Variants in ATF3 observed in about 807,000 individuals in gnomAD.
ATF3 encodes the protein cyclic AMP-dependent transcription factor ATF-3.
A neutral mutation model predicts 18.4 loss-of-function variants in ATF3; 10 were observed. That is an observed-to-expected ratio of 0.54 (90% CI 0.34 to 0.92). The LOEUF is 0.92. Among genes scored for constraint, ATF3 ranks in the 40% least tolerant of loss-of-function variants. ATF3 has a pLI of 0.02. For synonymous variants in ATF3, 78 were observed against 87.9 expected (o/e 0.89, Z 0.63); for missense variants, 183 against 222.3 (o/e 0.82, Z 1.12).
At chr1:212,598,752 G>A (rs1400010095) in intron 1 of ATF3, among the ~76,000 whole-genome samples, 1 of 152,164 alleles carries the variant, frequency 6.6e-6, no homozygotes, top group Non-Finnish European at 1.5e-5. Flanking sequence ...CTAACATAAA[G>A]ACCTTCAGTT....
chr1:212,614,981 G>GC (rs1020318288), intron 1 of ATF3, 37 bp from the exon 2 acceptor site: 2 of 1,614,078 alleles, frequency 1.2e-6, no homozygotes, highest in South Asian at 1.1e-5. Context: ...ATGCCCCAGA[G>GC]CCCCTGAAAC....
At chr1:212,582,555 C>T (rs553453082) in intron 1 of ATF3, among the ~76,000 whole-genome samples, 3 of 152,270 alleles carry the variant, frequency 2.0e-5, no homozygotes, top group South Asian at 4.1e-4. Flanking sequence ...TTTGCCATGT[C>T]GCAAGAAAGT....
intron 2 of ATF3, among the ~76,000 whole-genome samples, chr1:212,615,733 G>A (rs1453319795): frequency 6.6e-6 from 1 of 150,804 alleles, no homozygotes; most frequent in African/African-American, 2.4e-5. Context: ...GAGCCCAGGA[G>A]GTTGAGGCTG....
At chr1:212,591,958 T>C (rs1011890815) in intron 1 of ATF3, among the ~76,000 whole-genome samples, 3 of 152,152 alleles carry the variant, frequency 2.0e-5, no homozygotes, top group Non-Finnish European at 4.4e-5. Flanking sequence ...GCAGAGTATG[T>C]TTCTAACAGA....
At chr1:212,566,087 T>A (rs1664377334) in intron 1 of ATF3, among the ~76,000 whole-genome samples, 2 of 151,980 alleles carry the variant, frequency 1.3e-5, no homozygotes, top group Admixed American at 1.3e-4. Context: ...AAGTCCAGAG[T>A]GAGGAAGTAA....
chr1:212,613,259 C>G (rs1654971211), intron 1 of ATF3, among the ~76,000 whole-genome samples: 1 of 152,148 alleles, frequency 6.6e-6, no homozygotes, highest in Non-Finnish European at 1.5e-5. Flanking sequence ...TCCCCTCTAT[C>G]ACTTCATTTC....
At chr1:212,597,159 G>A (rs1027952312) in intron 1 of ATF3, among the ~76,000 whole-genome samples, 1 of 152,132 alleles carries the variant, frequency 6.6e-6, no homozygotes, top group Non-Finnish European at 1.5e-5. Flanking sequence ...AGACAATATG[G>A]GGCCTCCTCG....
In ATF3 at chr1:212,594,166, C is replaced by T. The variant is rs150364128; in HGVS notation, c.-4-20852C>T. On this transcript the variant is annotated intron_variant, in intron 1 of 3. Coordinates refer to the ATF3 transcript ENST00000366981. Reference sequence around the variant, plus strand: ...ATTCTGTTTCCTCCAGTTCGGGGCTCGGTGGAGCTGACGAGCAGCTGGCCA... The same window carrying T: ...ATTCTGTTTCCTCCAGTTCGGGGCTTGGTGGAGCTGACGAGCAGCTGGCCA... Among the ~76,000 whole-genome samples, 291 of 152,264 alleles carry T rather than the reference C, an allele frequency of 1.9e-3. 1 individual carries two copies. The highest frequency in any genetic ancestry group is 6.8e-3 in the African/African-American group (281 of 41,548).
rs1364754670 is a variant in ATF3, at chr1:212,615,228, C to T, written c.207C>T (p.Asp69=). The stretch of plus-strand genomic sequence containing the variant: ...CGCTGGAATCAGTCACTGTCAGCGA[C>T]AGACCCCTCGGGGTGTCCATCACAA... ...SSALESVTVS[D]RPLGVSITKA... The change falls in exon 2 of 4, where the codon GAC becomes GAT. Residue 69 remains aspartate, a synonymous_variant. Transcript: ENST00000341491. 1 of 1,614,190 alleles carries T rather than the reference C, an allele frequency of 6.2e-7. No individual in the cohort carries two copies. Among genetic ancestry groups the T allele is most frequent in the Non-Finnish European group, 8.5e-7 (1 of 1,180,024 alleles).
At position 212,619,373 on chromosome 1, in the gene ATF3, G is replaced by C. The variant is rs1655272745; in HGVS notation, c.364G>C (p.Glu122Gln). ...TGTCCCCCAGGAGTCGGAGAAGCTG[G>C]AAAGTGTGAATGCTGAACTGAAGGC... The part of the protein sequence containing the change: ...ECLQKESEKL[E>Q]SVNAELKAQI... The change falls in exon 4 of 4, where the codon GAA becomes CAA. Residue 122 changes from glutamate to glutamine, a missense_variant. Glu to Gln is a conservative substitution (Grantham distance 29). Coordinates refer to ENST00000341491, the MANE Select transcript of ATF3 (RefSeq NM_001674.4). This position sits in a 1 kb window ranked among gnomAD's most constrained non-coding sequence, Gnocchi z 4.4. 5.6e-6 allele frequency: 9 copies of C among 1,613,612 alleles called. No individual in the cohort carries two copies. The East Asian group carries it at 8.9e-5, about 16-fold the overall frequency.
At chr1:212,585,191 G>A (rs1157396923) in intron 1 of ATF3, among the ~76,000 whole-genome samples, 1 of 152,224 alleles carries the variant, frequency 6.6e-6, no homozygotes, top group African/African-American at 2.4e-5. Context: ...GGGGGTGAAA[G>A]GTGAGCGGGG....
chr1:212,595,868 T>C (rs927059821), intron 1 of ATF3, among the ~76,000 whole-genome samples: 2 of 152,190 alleles, frequency 1.3e-5, no homozygotes, highest in Non-Finnish European at 2.9e-5. Flanking sequence ...TTATATTACC[T>C]ACACAAGGAA....
At chr1:212,586,937 G>A (rs2102630749) in intron 1 of ATF3, among the ~76,000 whole-genome samples, 1 of 152,322 alleles carries the variant, frequency 6.6e-6, no homozygotes, top group African/African-American at 2.4e-5. Flanking sequence ...GCTTCTTACT[G>A]TGAAAGTGAC....
At chr1:212,591,639 G>A (rs191657575) in intron 1 of ATF3, among the ~76,000 whole-genome samples, 28 of 152,216 alleles carry the variant, frequency 1.8e-4, no homozygotes, top group Middle Eastern at 6.8e-3. Flanking sequence ...TGATAGTAAG[G>A]CATTCTGCAG....
chr1:212,602,022 C>T (rs566196792), intron 1 of ATF3, among the ~76,000 whole-genome samples: 14 of 152,164 alleles, frequency 9.2e-5, no homozygotes, highest in African/African-American at 3.4e-4. Context: ...TCCTTAATCC[C>T]ATGATTAAGG....
At chr1:212,614,490 C>G (rs1655018961) in intron 1 of ATF3, among the ~76,000 whole-genome samples, 1 of 150,762 alleles carries the variant, frequency 6.6e-6, no homozygotes, top group Non-Finnish European at 1.5e-5. Context: ...CCACTTTTTG[C>G]TTTTACTTCC....
At chr1:212,616,041 A>G (rs568575061) in intron 2 of ATF3, among the ~76,000 whole-genome samples, 1 of 152,076 alleles carries the variant, frequency 6.6e-6, no homozygotes, top group Admixed American at 6.5e-5. Flanking sequence ...GAAGAAGGAA[A>G]GAGGAGAGGG....
rs1471865959 is a variant in ATF3 at position 212,575,063 on chromosome 1, C to T, written c.-5+9580C>T. On this transcript the variant is annotated intron_variant, in intron 1 of 3. Transcript: ENST00000366981. Reference sequence around the variant, plus strand: ...TAATATGAAAATTTCATCAAATCTACAAATAAATATGGAGATGGCTAATAT... The same window carrying T: ...TAATATGAAAATTTCATCAAATCTATAAATAAATATGGAGATGGCTAATAT... Among the ~76,000 whole-genome samples the T allele has an allele frequency of 2.0e-5, 3 of 151,990 alleles. No homozygotes were observed. The East Asian group carries it at 5.8e-4, about 29-fold the overall frequency.
At chr1:212,604,660 T>TC (rs367856952), upstream of ATF3, among the ~76,000 whole-genome samples, 53 of 152,288 alleles carry the variant, frequency 3.5e-4, no homozygotes, top group African/African-American at 1.2e-3. Flanking sequence ...GTCTTCTCTC[T>TC]CCCCATCTCT....
Sources: gnomAD v4.1 joint callset for allele counts (sites outside exome capture counted in the v4.1 genomes callset) on GRCh38, gnomAD v4.1.1 for gene constraint, Gnocchi (gnomAD v3.1) non-coding constraint, MANE v1.5 for transcripts, NCBI Gene and HGNC (gene_info 2026-07-23, HGNC 2026-07-21) for gene names.